Variants in COG6 observed in about 807,000 individuals in gnomAD.
COG6 encodes the protein conserved oligomeric Golgi complex subunit 6.
A neutral mutation model predicts 88.8 loss-of-function variants in COG6; 74 were observed. The observed-to-expected ratio is 0.83, with a 90% CI of 0.69 to 1.01. The LOEUF (loss-of-function observed/expected upper bound fraction) is 1.01. COG6 is among the 50% of genes least tolerant of loss of function. The pLI, the probability that COG6 is intolerant of heterozygous loss-of-function variation, is 0.00. For synonymous variants in COG6, 286 were observed against 278.7 expected (o/e 1.03, Z -0.26); for missense variants, 800 against 797.9 (o/e 1.00, Z -0.03).
At position 39,687,911 on chromosome 13, in the gene COG6, A is replaced by G. The variant is rs893521825; in HGVS notation, c.1009+112A>G. The stretch of plus-strand genomic sequence containing the variant: ...CTTAGATAAACACCTTGATGGTACA[A>G]TAAGCATCCTGATTACTCTTTCTCT... On this transcript the variant is annotated intron_variant, in intron 10 of 18. Coordinates refer to ENST00000455146, the MANE Select transcript of COG6 (RefSeq NM_020751.3). 6 of 749,558 alleles carry G rather than the reference A, an allele frequency of 8.0e-6. No homozygotes were observed. The Admixed American group carries it at 1.2e-4, about 15-fold the overall frequency. 46.4% of individuals were successfully genotyped at this position (749,558 alleles called of 1,614,324 possible).
At chr13:39,672,951 T>C (rs1875739164) in intron 4 of COG6, among the ~76,000 whole-genome samples, 2 of 152,090 alleles carry the variant, frequency 1.3e-5, no homozygotes, top group East Asian at 1.9e-4. Context: ...GTACTACTCA[T>C]TGTGGTTTAG....
At chr13:39,760,760 TTC>T (rs1880985741) in intron 18 of COG6, among the ~76,000 whole-genome samples, 1 of 152,032 alleles carries the variant, frequency 6.6e-6, no homozygotes, top group African/African-American at 2.4e-5. Context: ...GCTTCCTTCT[TTC>T]TGTGTGTGAT....
At chr13:39,739,541 A>T (rs888849345) in intron 18 of COG6, among the ~76,000 whole-genome samples, 1 of 152,076 alleles carries the variant, frequency 6.6e-6, no homozygotes, top group Non-Finnish European at 1.5e-5. Flanking sequence ...AAAATCATTT[A>T]AAAAAATCAA....
At chr13:39,790,493 A>G (rs1479311787) in exon 19 of COG6, 2 of 152,142 alleles carry the variant, frequency 1.3e-5, no homozygotes, top group African/African-American at 4.8e-5. Flanking sequence ...AAACTAATTA[A>G]TGTAACTTTT....
In COG6 at chr13:39,751,114, A is replaced by G. The variant is rs763494507; in HGVS notation, c.*21A>G. 6.2e-7 allele frequency: 1 copy of G among 1,613,080 alleles called. No homozygotes were observed. The highest frequency in any genetic ancestry group is 2.2e-5 in the East Asian group (1 of 44,784). On this transcript the variant is annotated 3_prime_UTR_variant, in exon 19 of 19. Coordinates refer to ENST00000455146, the MANE Select transcript of COG6 (RefSeq NM_020751.3). The stretch of plus-strand genomic sequence containing the variant: ...CCTGATTATCTTATTTCATTGTGTT[A>G]GCAAAATATGACCTCCCTAAAACAC...
intron 13 of COG6, among the ~76,000 whole-genome samples, chr13:39,703,598 T>TC (rs1566186923): frequency 6.6e-6 from 1 of 152,136 alleles, no homozygotes; most frequent in African/African-American, 2.4e-5. Context: ...ATAGTTTTTT[T>TC]CCCTTGGGAG....
downstream of COG6, among the ~76,000 whole-genome samples, chr13:39,753,248 C>T (rs985237581): frequency 2.6e-5 from 4 of 152,140 alleles, no homozygotes; most frequent in Non-Finnish European, 5.9e-5. Flanking sequence ...CTCAAGAGAT[C>T]CCTGTCCCTT....
intron 7 of COG6, among the ~76,000 whole-genome samples, chr13:39,681,087 G>A (rs1277930365): frequency 6.6e-6 from 1 of 152,146 alleles, no homozygotes; most frequent in African/African-American, 2.4e-5. Flanking sequence ...TTGCAGAATA[G>A]CCTGTTAAAA....
intron 18 of COG6, among the ~76,000 whole-genome samples, chr13:39,771,882 G>A (rs1305227009): frequency 1.3e-5 from 2 of 152,060 alleles, no homozygotes; most frequent in African/African-American, 4.8e-5. Flanking sequence ...ACTTGGTGCT[G>A]GGGGGAAAAG....
intron 5 of COG6, among the ~76,000 whole-genome samples, chr13:39,678,311 C>T (rs750129636): frequency 2.0e-4 from 30 of 152,146 alleles, no homozygotes; most frequent in African/African-American, 4.8e-4. Context: ...TGAGCTCAAG[C>T]GATGTGCCTA....
At chr13:39,658,557 A>G (rs866420014) in intron 1 of COG6, among the ~76,000 whole-genome samples, 1 of 152,018 alleles carries the variant, frequency 6.6e-6, no homozygotes. Context: ...GTACCCCTTT[A>G]CCATTCATTT....
intron 18 of COG6, among the ~76,000 whole-genome samples, chr13:39,746,236 A>G (rs1213602253): frequency 1.3e-5 from 2 of 151,310 alleles, no homozygotes; most frequent in Admixed American, 1.3e-4. Flanking sequence ...GTATCATTAA[A>G]AAAAAAAAAA....
chr13:39,770,702 T>A (rs966105598), intron 18 of COG6, among the ~76,000 whole-genome samples: 5 of 152,232 alleles, frequency 3.3e-5, no homozygotes, highest in African/African-American at 4.8e-5. Flanking sequence ...TTAGTCAGAA[T>A]ACTGAACAAA....
intron 17 of COG6, among the ~76,000 whole-genome samples, chr13:39,726,740 A>G (rs1273098948): frequency 6.6e-6 from 1 of 151,868 alleles, no homozygotes; most frequent in East Asian, 1.9e-4. Flanking sequence ...CTCTACTTAT[A>G]TGTTTTCCTT....
intron 13 of COG6, among the ~76,000 whole-genome samples, chr13:39,712,412 C>A (rs373312913): frequency 2.6e-5 from 4 of 152,110 alleles, no homozygotes; most frequent in African/African-American, 9.6e-5. Context: ...TGTTTAGTCC[C>A]TTGGTATTTC....
At chr13:39,748,390 G>A (rs1445518580) in intron 18 of COG6, among the ~76,000 whole-genome samples, 3 of 152,056 alleles carry the variant, frequency 2.0e-5, no homozygotes, top group East Asian at 1.9e-4. Context: ...CACAGTGGGC[G>A]GATCACCTGA....
intron 18 of COG6, among the ~76,000 whole-genome samples, chr13:39,740,050 G>C (rs191725289): frequency 6.6e-5 from 10 of 152,082 alleles, no homozygotes; most frequent in African/African-American, 2.4e-4. Flanking sequence ...GATAATATAC[G>C]TGGAAAATTA....
intron 13 of COG6, among the ~76,000 whole-genome samples, chr13:39,708,989 G>C (rs1389397158): frequency 1.3e-5 from 2 of 152,012 alleles, no homozygotes; most frequent in Non-Finnish European, 2.9e-5. Context: ...CAATTGATGG[G>C]GCTCCGCATT....
chr13:39,659,676 T>C (rs1230206236), intron 2 of COG6, among the ~76,000 whole-genome samples, 169 bp downstream of exon 2: 1 of 152,234 alleles, frequency 6.6e-6, no homozygotes, highest in Non-Finnish European at 1.5e-5. Flanking sequence ...TTTGTATTAA[T>C]GTGATTTATG....
Sources: gnomAD v4.1 joint callset for allele counts (sites outside exome capture counted in the v4.1 genomes callset) on GRCh38, gnomAD v4.1.1 for gene constraint, MANE v1.5 for transcripts, NCBI Gene and HGNC (gene_info 2026-07-23, HGNC 2026-07-21) for gene names.